MAPK10: variants seen among roughly 807,000 people sequenced by gnomAD.
MAPK10 encodes JNK3 alpha protein kinase.
MAPK10 carries 25 observed loss-of-function variants against 59.3 expected under a neutral mutation model. The observed-to-expected ratio is 0.42, with a 90% CI of 0.31 to 0.59. MAPK10 has a LOEUF of 0.59. Among genes scored for constraint, MAPK10 ranks in the 20% least tolerant of loss-of-function variants. The probability of loss-of-function intolerance (pLI) is 0.15; values close to 1 mark genes in which losing one functional copy is unlikely to be tolerated. For synonymous variants in MAPK10, 190 were observed against 200.5 expected (o/e 0.95, Z 0.44); for missense variants, 351 against 568.9 (o/e 0.62, Z 3.90).
intron 9 of MAPK10, among the ~76,000 whole-genome samples, chr4:86,096,325 A>G (rs1410447304): frequency 6.6e-6 from 1 of 151,924 alleles, no homozygotes; most frequent in Non-Finnish European, 1.5e-5. Context: ...TTTTTAAAAG[A>G]AAATAAAATT....
intron 4 of MAPK10, among the ~76,000 whole-genome samples, chr4:86,136,865 A>C (rs1219105706): frequency 6.6e-6 from 1 of 152,118 alleles, no homozygotes; most frequent in Non-Finnish European, 1.5e-5. Context: ...GGAAAACAAA[A>C]AAAGGCAGGG....
chr4:86,147,074 C>A (rs192330264), intron 4 of MAPK10, among the ~76,000 whole-genome samples: 2 of 151,900 alleles, frequency 1.3e-5, no homozygotes, highest in Admixed American at 6.6e-5. Context: ...ATATATTTTT[C>A]TTTTTTTCTT....
At chr4:86,488,632 T>C (rs1754219576) in intron 1 of MAPK10, among the ~76,000 whole-genome samples, 1 of 152,240 alleles carries the variant, frequency 6.6e-6, no homozygotes, top group Non-Finnish European at 1.5e-5. Context: ...CTGTGGTTTC[T>C]GAATCTGCCT....
At chr4:86,199,158 A>G (rs1582618928) in intron 2 of MAPK10, among the ~76,000 whole-genome samples, 1 of 151,566 alleles carries the variant, frequency 6.6e-6, no homozygotes, top group African/African-American at 2.4e-5. Context: ...CCTACAACAC[A>G]ATAATTCCAC....
At chr4:86,586,975 A>C (rs1427308488) in intron 1 of MAPK10, among the ~76,000 whole-genome samples, 1 of 152,202 alleles carries the variant, frequency 6.6e-6, no homozygotes, top group Non-Finnish European at 1.5e-5. Context: ...AAGTCCAAAA[A>C]TTATCTCAAG....
chr4:86,094,381 T>G (rs868814461), intron 9 of MAPK10, among the ~76,000 whole-genome samples: 19 of 152,110 alleles, frequency 1.2e-4, no homozygotes, highest in African/African-American at 4.3e-4. Flanking sequence ...AGGAGCTATT[T>G]TAGCAGTCCA....
At chr4:86,236,077 C>G (rs2092193522) in intron 2 of MAPK10, among the ~76,000 whole-genome samples, 1 of 152,092 alleles carries the variant, frequency 6.6e-6, no homozygotes, top group African/African-American at 2.4e-5. Context: ...ACCTTCAAAG[C>G]CAGAAGTGTA....
At chr4:86,130,654 C>T (rs1315457538) in intron 4 of MAPK10, among the ~76,000 whole-genome samples, 1 of 152,088 alleles carries the variant, frequency 6.6e-6, no homozygotes, top group African/African-American at 2.4e-5. Context: ...GATGTTAGTC[C>T]ATGGTAAATG....
intron 3 of MAPK10, chr4:86,192,575 C>T (rs765575261): frequency 6.6e-6 from 1 of 151,874 alleles, no homozygotes; most frequent in Non-Finnish European, 1.5e-5. Context: ...GCTATTGATA[C>T]TTGTGTATGC....
chr4:86,200,448 C>T (rs2082355229), intron 2 of MAPK10, among the ~76,000 whole-genome samples: 1 of 151,922 alleles, frequency 6.6e-6, no homozygotes, highest in African/African-American at 2.4e-5. Flanking sequence ...TCTTTTTGCT[C>T]AGCAAAATGT....
chr4:86,441,077 T>C (rs940769024), intron 1 of MAPK10, among the ~76,000 whole-genome samples: 9 of 152,224 alleles, frequency 5.9e-5, no homozygotes, highest in Non-Finnish European at 1.3e-4. Flanking sequence ...CAGATTCATA[T>C]AAAATATTAA....
At chr4:86,121,373 T>C (rs573447862) in intron 4 of MAPK10, among the ~76,000 whole-genome samples, 14 of 152,278 alleles carry the variant, frequency 9.2e-5, no homozygotes, top group African/African-American at 3.1e-4. Context: ...AGGGCACTAA[T>C]ATCATTCATG....
chr4:86,256,390 T>C lies in MAPK10; in HGVS notation c.-6-61983A>G, dbSNP rs142575271. ...TGAGAAAATTATAGCTATAAAGTTG[T>C]TTTATAAAAGTTTCCACTCCTTCAA... On this transcript the variant is annotated intron_variant, in intron 2 of 13. Transcript: ENST00000641462. Among the ~76,000 whole-genome samples, 1,153 of 152,306 alleles carry C rather than the reference T, an allele frequency of 7.6e-3. 14 individuals carry two copies. Among genetic ancestry groups the C allele is most frequent in the African/African-American group, 0.026 (1,096 of 41,558 alleles).
intron 3 of MAPK10, among the ~76,000 whole-genome samples, chr4:86,180,087 C>T (rs1033338840): frequency 1.3e-5 from 2 of 151,906 alleles, no homozygotes; most frequent in South Asian, 4.2e-4. Context: ...CTATTGATTC[C>T]AAAGGGAATT....
intron 1 of MAPK10, among the ~76,000 whole-genome samples, chr4:86,549,719 C>G (rs955293944): frequency 1.3e-5 from 2 of 152,138 alleles, no homozygotes; most frequent in African/African-American, 4.8e-5. Context: ...TGGCTCATGC[C>G]TTTAATCCCA....
chr4:86,441,726 G>C (rs1011353107), intron 1 of MAPK10, among the ~76,000 whole-genome samples: 1 of 152,200 alleles, frequency 6.6e-6, no homozygotes, highest in South Asian at 2.1e-4. Flanking sequence ...CTGTCAATCA[G>C]AGCAGAAACC....
At chr4:86,075,246 A>C (rs1044406181) in intron 9 of MAPK10, among the ~76,000 whole-genome samples, 1 of 152,026 alleles carries the variant, frequency 6.6e-6, no homozygotes, top group African/African-American at 2.4e-5. Context: ...CAGCTCCATC[A>C]GCTCCTTTAA....
intron 4 of MAPK10, among the ~76,000 whole-genome samples, chr4:86,114,556 C>T (rs2058023862): frequency 2.0e-5 from 3 of 152,240 alleles, no homozygotes; most frequent in African/African-American, 7.2e-5. Context: ...CTGCTCCTTC[C>T]TCTGGAAGCT....
chr4:86,317,854 G>A (rs189818910), intron 2 of MAPK10, among the ~76,000 whole-genome samples: 1 of 152,332 alleles, frequency 6.6e-6, no homozygotes, highest in East Asian at 1.9e-4. Flanking sequence ...GCTGGAGGCT[G>A]TAAGTCAGAA....
Sources: gnomAD v4.1 joint callset for allele counts (sites outside exome capture counted in the v4.1 genomes callset) on GRCh38, gnomAD v4.1.1 for gene constraint, MANE v1.5 for transcripts, NCBI Gene and HGNC (gene_info 2026-07-23, HGNC 2026-07-21) for gene names.